The following MAD1L1 variants were observed in gnomAD, a reference collection of about 807,000 sequenced individuals.
The protein encoded by MAD1L1 is mitotic spindle assembly checkpoint protein MAD1.
Under a neutral mutation model 96.9 loss-of-function variants are expected in MAD1L1, and 95 were observed. That is an observed-to-expected ratio of 0.98 (90% CI 0.83 to 1.16). The LOEUF (loss-of-function observed/expected upper bound fraction) is 1.16. Among genes scored for constraint, MAD1L1 ranks in the 50% most tolerant of loss-of-function variants. The pLI is 0.00. For missense variants in MAD1L1, 1,007 were observed against 954.4 expected (o/e 1.06, Z -0.73); for synonymous variants, 473 against 396.6 (o/e 1.19, Z -2.29).
chr7:2,068,615 G>A (rs756807024), intron 12 of MAD1L1, among the ~76,000 whole-genome samples: 11 of 152,052 alleles, frequency 7.2e-5, no homozygotes, highest in Non-Finnish European at 1.5e-4. Context: ...CTTCTTTCCC[G>A]CCTTGTCTTC....
chr7:1,988,347 C>T (rs1763598577), intron 14 of MAD1L1, among the ~76,000 whole-genome samples: 1 of 152,222 alleles, frequency 6.6e-6, no homozygotes. Context: ...AGGTGGCACA[C>T]AGCAGCCCAG....
chr7:2,206,288 T>C (rs981817366), intron 10 of MAD1L1, among the ~76,000 whole-genome samples: 7 of 152,240 alleles, frequency 4.6e-5, no homozygotes, highest in Non-Finnish European at 8.8e-5. Flanking sequence ...TCCTAGTCTA[T>C]GGTCTGCCTT....
intron 14 of MAD1L1, chr7:1,980,868 T>A (rs1295497160): frequency 9.2e-6 from 4 of 433,064 alleles, no homozygotes; most frequent in African/African-American, 2.0e-5. Flanking sequence ...AACGCTGCCG[T>A]CGGTTTGGTT....
chr7:2,139,296 C>CG (rs1299993956), intron 11 of MAD1L1, among the ~76,000 whole-genome samples: 1 of 152,182 alleles, frequency 6.6e-6, no homozygotes. Context: ...CCCGCACCCC[C>CG]ACCCCACCCT....
At chr7:1,855,111 C>T (rs995304445) in intron 18 of MAD1L1, among the ~76,000 whole-genome samples, 2 of 152,262 alleles carry the variant, frequency 1.3e-5, no homozygotes, top group East Asian at 1.9e-4. Context: ...GGTGAAGAGC[C>T]GCGCGTGTTT....
chr7:1,985,783 TG>T (rs1781111493), intron 14 of MAD1L1, among the ~76,000 whole-genome samples: 2 of 9,940 alleles, frequency 2.0e-4, no homozygotes, highest in South Asian at 0.1. Context: ...CCTTCCTTCC[TG>T]TACTGCCCCC....
intron 10 of MAD1L1, among the ~76,000 whole-genome samples, chr7:2,198,927 G>A (rs939533951): frequency 1.8e-4 from 27 of 152,194 alleles, no homozygotes; most frequent in African/African-American, 6.3e-4. Context: ...ACAGGCCACA[G>A]GAAGCCGGCG....
Position 1,949,321 on chromosome 7 carries a change from G to C in MAD1L1, c.1596+8308C>G, listed in dbSNP as rs28614150. 3.7e-3 allele frequency among the ~76,000 whole-genome samples: 570 copies of C among 152,322 alleles called. 3 individuals carry two copies. The highest frequency in any genetic ancestry group is 0.013 in the African/African-American group (531 of 41,572). On this transcript the variant is annotated intron_variant, in intron 16 of 18. Coordinates refer to ENST00000265854, the MANE Select transcript of MAD1L1 (RefSeq NM_001013836.2). ...TCTCAGGCTCTAAGGAGCTCTGCCG[G>C]GCACGCAAGCATCGCCCGGGGGGAC...
At chr7:1,865,599 C>T (rs1474380863) in intron 18 of MAD1L1, among the ~76,000 whole-genome samples, 2 of 152,248 alleles carry the variant, frequency 1.3e-5, no homozygotes, top group Admixed American at 1.3e-4. Context: ...AGAAGGGATA[C>T]TCAATATTAA....
At position 2,218,136 on chromosome 7, in the gene MAD1L1, C is replaced by T. The variant is rs1016861829; in HGVS notation, c.597-93G>A. On this transcript the variant is annotated intron_variant, in intron 6 of 18. Coordinates refer to ENST00000265854, the MANE Select transcript of MAD1L1 (RefSeq NM_001013836.2). The stretch of plus-strand genomic sequence containing the variant: ...TGAGACCCGCCCCAGCACAGACCCA[C>T]ATACGTTCATTCCCACCCCAAGGTT... 1.1e-5 allele frequency: 10 copies of T among 921,848 alleles called. No individual in the cohort carries two copies. In the African/African-American group the frequency reaches 1.5e-4, roughly 13 times the overall value. 57.1% of individuals were successfully genotyped at this position (921,848 alleles called of 1,614,324 possible).
chr7:1,887,092 A>G (rs1786083553), intron 18 of MAD1L1, among the ~76,000 whole-genome samples: 1 of 152,244 alleles, frequency 6.6e-6, no homozygotes, highest in South Asian at 2.1e-4. Context: ...ACACTCACTC[A>G]GGCTAGGGGG....
At chr7:1,973,779 G>A (rs1057051781) in intron 15 of MAD1L1, among the ~76,000 whole-genome samples, 18 of 152,152 alleles carry the variant, frequency 1.2e-4, no homozygotes, top group Admixed American at 2.0e-4. Context: ...TCGGTGCTGG[G>A]TGAGGTGTAG....
chr7:1,897,795 C>A (rs922151060), intron 18 of MAD1L1, among the ~76,000 whole-genome samples: 3 of 152,208 alleles, frequency 2.0e-5, no homozygotes, highest in Admixed American at 6.5e-5. Flanking sequence ...TGTCCCACTG[C>A]GCAGCCTGGC....
intron 10 of MAD1L1, among the ~76,000 whole-genome samples, chr7:2,203,376 G>A (rs1473973468): frequency 6.6e-6 from 1 of 152,220 alleles, no homozygotes; most frequent in Non-Finnish European, 1.5e-5. Flanking sequence ...AACGTTGAAA[G>A]CACACCACCC....
chr7:2,086,058 G>A (rs951295122), intron 11 of MAD1L1, among the ~76,000 whole-genome samples: 5 of 152,150 alleles, frequency 3.3e-5, no homozygotes, highest in Non-Finnish European at 7.4e-5. Flanking sequence ...CACCCTGCCC[G>A]GGAGGACTCC....
intron 12 of MAD1L1, among the ~76,000 whole-genome samples, chr7:2,019,230 C>G (rs1350446624): frequency 8.5e-5 from 13 of 152,150 alleles, no homozygotes; most frequent in Non-Finnish European, 1.5e-5. Context: ...GCAGCAAGAT[C>G]GCCCCAGACA....
At chr7:2,139,997 C>CCCCCCCCCG (rs375660018) in intron 11 of MAD1L1, among the ~76,000 whole-genome samples, 7 of 148,942 alleles carry the variant, frequency 4.7e-5, no homozygotes, top group Admixed American at 1.3e-4. Context: ...CCCCGCCCCC[C>CCCCCCCCCG]CCCAGTCCCT....
rs193162579 is a variant in MAD1L1, at chr7:1,905,242, C to T, written c.1808-6852G>A. 1.8e-3 allele frequency among the ~76,000 whole-genome samples: 171 copies of T among 94,352 alleles called. 16 individuals carry two copies. Among genetic ancestry groups the T allele is most frequent in the African/African-American group, 6.0e-3 (168 of 27,904 alleles). 61.9% of individuals were successfully genotyped at this position (94,352 alleles called of 152,430 possible). A position where few individuals can be genotyped will look rare whatever the true frequency, so the allele number is the denominator to read the frequency against. On this transcript the variant is annotated intron_variant, in intron 17 of 18. Coordinates refer to ENST00000265854, the MANE Select transcript of MAD1L1 (RefSeq NM_001013836.2). ...ATTGATGAAGCACTGTTCCAGGCAG[C>T]GAGGACGCAGTGGCCTACGGAAGAC...
At chr7:2,171,154 T>A (rs916233243) in intron 10 of MAD1L1, among the ~76,000 whole-genome samples, 5 of 152,154 alleles carry the variant, frequency 3.3e-5, no homozygotes, top group Non-Finnish European at 7.4e-5. Flanking sequence ...TTTCAGAGAA[T>A]CCTAATAATC....
Sources: gnomAD v4.1 joint callset for allele counts (sites outside exome capture counted in the v4.1 genomes callset) on GRCh38, gnomAD v4.1.1 for gene constraint, MANE v1.5 for transcripts, NCBI Gene and HGNC (gene_info 2026-07-23, HGNC 2026-07-21) for gene names.